Variants in NCBP1 observed in about 807,000 individuals in gnomAD.
NCBP1 encodes the protein nuclear cap binding protein subunit 1.
In NCBP1, 16 loss-of-function variants were observed where a neutral mutation model predicts 111.7. The observed-to-expected ratio is 0.14, with a 90% CI of 0.10 to 0.22. The LOEUF (loss-of-function observed/expected upper bound fraction) is 0.22, where lower values mean the gene tolerates loss of function less well. NCBP1 is among the 10% of genes least tolerant of loss of function. The pLI is 1.00. For synonymous variants in NCBP1, 304 were observed against 314.3 expected (o/e 0.97, Z 0.35); for missense variants, 607 against 957.5 (o/e 0.63, Z 4.83).
At position 97,673,104 on chromosome 9, in the gene NCBP1, G is replaced by A. The variant is rs1232268914; in HGVS notation, c.*1905G>A. The A allele has an allele frequency of 2.0e-5, 3 of 152,214 alleles. No individual in the cohort carries two copies. Among genetic ancestry groups the A allele is most frequent in the African/African-American group, 4.8e-5 (2 of 41,418 alleles). The allele number at this position is 152,214 out of a possible 1,614,324, so 9.4% of individuals were successfully genotyped here. A position where few individuals can be genotyped will look rare whatever the true frequency, so the allele number is the denominator to read the frequency against. The stretch of plus-strand genomic sequence containing the variant: ...GATTGTGCCACTGCACTCCAGCCTG[G>A]GTGATGGAGCGAGGCTCTGTCTCAA... On this transcript the variant is annotated 3_prime_UTR_variant, in exon 23 of 23. Transcript: ENST00000375147.
At chr9:97,639,137 C>A (rs1037398616) in intron 1 of NCBP1, among the ~76,000 whole-genome samples, 1 of 152,150 alleles carries the variant, frequency 6.6e-6, no homozygotes, top group African/African-American at 2.4e-5. Context: ...GGAATAAATA[C>A]ATCTCAGCTC....
At chr9:97,635,967 C>T (rs904559122) in intron 1 of NCBP1, 8 of 152,164 alleles carry the variant, frequency 5.3e-5, no homozygotes, top group Non-Finnish European at 1.2e-4. Context: ...ACTTACATAA[C>T]TTTCTTGGAG....
chr9:97,640,630 T>C (rs1159151297), intron 1 of NCBP1, among the ~76,000 whole-genome samples, 164 bp from the exon 2 acceptor site: 2 of 152,122 alleles, frequency 1.3e-5, no homozygotes, highest in African/African-American at 2.4e-5. Context: ...TGGGAGGCTG[T>C]TGGTTAATCT....
rs375406359 is a variant in NCBP1, at chr9:97,656,745, A to G, written c.1373+660A>G. Among the ~76,000 whole-genome samples, 46 of 152,284 alleles carry G rather than the reference A, an allele frequency of 3.0e-4. 2 individuals are homozygous for G. In the South Asian group the frequency reaches 9.5e-3, roughly 32 times the overall value. On this transcript the variant is annotated intron_variant, in intron 14 of 22. Transcript: ENST00000375147. ...CCCATTACGTTGGTTTTCCTTTGAG[A>G]ATAAGCTGCATACCCAGCTGATGTA... is the stretch of plus-strand genomic sequence containing the variant.
intron 14 of NCBP1, among the ~76,000 whole-genome samples, chr9:97,657,891 T>A (rs1217146322): frequency 1.4e-5 from 1 of 71,546 alleles, no homozygotes; most frequent in East Asian, 3.8e-4. Flanking sequence ...GTAAGCTCTC[T>A]CTCTCTCTCT....
At chr9:97,670,939 C>G in intron 22 of NCBP1, 147 bp from the exon 23 acceptor site, 1 of 486,266 alleles carries the variant, frequency 2.1e-6, no homozygotes, top group Non-Finnish European at 3.7e-6. Flanking sequence ...TGGGGATTTT[C>G]AGGGGTCCAT....
chr9:97,664,821 G>T (rs1005551526), intron 19 of NCBP1, among the ~76,000 whole-genome samples: 5 of 152,214 alleles, frequency 3.3e-5, no homozygotes, highest in Non-Finnish European at 7.3e-5. Flanking sequence ...TGCACACCAG[G>T]AAGTAGGAGA....
intron 9 of NCBP1, among the ~76,000 whole-genome samples, chr9:97,651,026 A>T (rs1827483068): frequency 6.6e-6 from 1 of 152,048 alleles, no homozygotes; most frequent in Admixed American, 6.6e-5. Flanking sequence ...TATGAGAGTG[A>T]TCTACTCTAT....
Position 97,648,064 on chromosome 9 carries a change from A to T in NCBP1, c.738A>T (p.Glu246Asp), listed in dbSNP as rs1242946926. Residue 246 changes from glutamate to aspartate, a missense_variant, in exon 8 of 23, where the codon GAA becomes GAT. Glu to Asp is a conservative substitution (Grantham distance 45). Transcript: ENST00000375147. ...IQKLKKDRWQ[E>D]RHILRPYLAF... ...AATTGAAAAAGGATCGCTGGCAGGA[A>T]CGGCACATCCTAAGACCTTATCTTG... 3.7e-6 allele frequency: 6 copies of T among 1,614,162 alleles called. No individual in the cohort carries two copies. The highest frequency in any genetic ancestry group is 2.5e-6 in the Non-Finnish European group (3 of 1,180,020).
At chr9:97,662,862 TATAAA>T (rs1827877791) in intron 17 of NCBP1, 87 bp from the exon 18 acceptor site, 1 of 940,510 alleles carries the variant, frequency 1.1e-6, no homozygotes, top group Non-Finnish European at 1.6e-6. Context: ...TATATTGCAT[TATAAA>T]TTGAGTAACA....
In NCBP1 at chr9:97,668,711, G is replaced by A. The variant is rs2297161; in HGVS notation, c.2017-135G>A. 31,368 of 881,480 alleles carry A rather than the reference G, an allele frequency of 0.036. 4,787 individuals carry two copies. In the African/African-American group the frequency reaches 0.4, roughly 11 times the overall value. 54.6% of individuals were successfully genotyped at this position (881,480 alleles called of 1,614,324 possible). ...TTTGAGGTATATATGTGTGGGTGGCGGGGTGGGGGGGTACTTTCACTATAG... is the reference window on the plus strand; with the variant it reads ...TTTGAGGTATATATGTGTGGGTGGCAGGGTGGGGGGGTACTTTCACTATAG... On this transcript the variant is annotated intron_variant, in intron 20 of 22. Transcript: ENST00000375147.
intron 5 of NCBP1, 35 bp downstream of exon 5, chr9:97,645,259 T>A: frequency 2.7e-6 from 4 of 1,485,550 alleles, no homozygotes; most frequent in Non-Finnish European, 3.8e-6. Flanking sequence ...CTTGAGGGGT[T>A]CTTGAGGGGT....
Position 97,653,811 on chromosome 9 carries a change from A to C in NCBP1, c.1073A>C (p.Glu358Ala). ...NYHIVEVIFA[E>A]LFQLPAPPHI... ...ATTCTTTTGTAGGTGATCTTTGCAGAGCTGTTTCAACTTCCAGCACCCCCT... is the reference window on the plus strand; with the variant it reads ...ATTCTTTTGTAGGTGATCTTTGCAGCGCTGTTTCAACTTCCAGCACCCCCT... Residue 358 changes from glutamate to alanine, a missense_variant, in exon 11 of 23, where the codon GAG becomes GCG. Physicochemically the swap from Glu to Ala is moderately radical, Grantham distance 107. This residue lies in a region of NCBP1 where 33 missense variants were observed against 46.5 expected (regional missense o/e 0.71). Transcript: ENST00000375147. 1.9e-6 allele frequency: 3 copies of C among 1,613,774 alleles called. 1 individual carries two copies. Among genetic ancestry groups the C allele is most frequent in the Middle Eastern group, 3.3e-4 (2 of 6,056 alleles).
At chr9:97,643,127 A>G (rs1827246475) in intron 3 of NCBP1, 77 bp from the exon 4 acceptor site, 2 of 1,401,770 alleles carry the variant, frequency 1.4e-6, no homozygotes, top group East Asian at 5.2e-5. Context: ...ATGGAATGAT[A>G]AAAAGATTCA....
chr9:97,655,786 C>CT, intron 13 of NCBP1, 22 bp downstream of exon 13: 1 of 1,592,384 alleles, frequency 6.3e-7, no homozygotes, highest in Admixed American at 1.8e-5. Flanking sequence ...TTTGTTTTAT[C>CT]TTTTTCTGTA....
At chr9:97,664,912 A>G (rs976942359) in intron 19 of NCBP1, among the ~76,000 whole-genome samples, 1 of 152,196 alleles carries the variant, frequency 6.6e-6, no homozygotes, top group African/African-American at 2.4e-5. Context: ...GATGGGGGAA[A>G]GGGGTTCTCA....
At chr9:97,656,239 C>G (rs573720148) in intron 14 of NCBP1, among the ~76,000 whole-genome samples, 154 bp downstream of exon 14, 24 of 152,356 alleles carry the variant, frequency 1.6e-4, no homozygotes, top group African/African-American at 5.3e-4. Flanking sequence ...AAAAATTAGG[C>G]AACCATGCCA....
rs1289875617 is a variant in NCBP1, at chr9:97,673,462, ATTTCT to A, written c.*2269_*2273del. The A allele has an allele frequency of 6.6e-6, 1 of 152,294 alleles. No homozygotes were observed. Among genetic ancestry groups the A allele is most frequent in the East Asian group, 1.9e-4 (1 of 5,188 alleles). The allele number at this position is 152,294 out of a possible 1,614,324, so 9.4% of individuals were successfully genotyped here. ...ATTCTAGAGAAATTTGTAGGTTTTA[ATTTCT>A]TTTCTCTTGGTCCTCTCTTCATGTA... On this transcript the variant is annotated 3_prime_UTR_variant, in exon 23 of 23. Coordinates refer to ENST00000375147, the MANE Select transcript of NCBP1 (RefSeq NM_002486.5).
chr9:97,643,356 A>G lies in NCBP1; in HGVS notation c.377A>G (p.Tyr126Cys), dbSNP rs1241100167. 1 of 1,592,676 alleles carries G rather than the reference A, an allele frequency of 6.3e-7. No individual in the cohort carries two copies. Among genetic ancestry groups the G allele is most frequent in the Non-Finnish European group, 8.5e-7 (1 of 1,172,906 alleles). The change falls in exon 4 of 23, where the codon TAT (tyrosine) becomes TGT (cysteine). Residue 126 changes from tyrosine to cysteine, a missense_variant. Tyr to Cys is a radical substitution (Grantham distance 194, BLOSUM62 -2). Coordinates refer to ENST00000375147, the MANE Select transcript of NCBP1 (RefSeq NM_002486.5). ...LKANNYNEAV[Y>C]LVRFLSDLVN... is the part of the protein sequence containing the mutation. ...GCAAACAATTATAATGAAGCCGTGT[A>G]TTTGGTAAGTTAGTTTGTTTGTTGG...
Sources: gnomAD v4.1 joint callset for allele counts (sites outside exome capture counted in the v4.1 genomes callset) on GRCh38, gnomAD v4.1.1 for gene constraint, gnomAD v4.1.1 regional missense constraint, MANE v1.5 for transcripts, NCBI Gene and HGNC (gene_info 2026-07-23, HGNC 2026-07-21) for gene names.